Variants in LRCH3 observed in about 807,000 individuals in gnomAD.
LRCH3 encodes DISP complex protein LRCH3.
In LRCH3, 68 loss-of-function variants were observed where a neutral mutation model predicts 104.5. That is an observed-to-expected ratio of 0.65 (90% CI 0.54 to 0.80). LRCH3 has a LOEUF of 0.80. LRCH3 is among the 30% of genes least tolerant of loss of function. The probability of loss-of-function intolerance (pLI) is 0.00; values close to 1 mark genes in which losing one functional copy is unlikely to be tolerated. For missense variants in LRCH3, 951 were observed against 953.9 expected (o/e 1.00, Z 0.04); for synonymous variants, 344 against 361.3 (o/e 0.95, Z 0.54).
chr3:197,841,438 G>A (rs776200423), intron 10 of LRCH3, among the ~76,000 whole-genome samples: 1 of 152,042 alleles, frequency 6.6e-6, no homozygotes, highest in Non-Finnish European at 1.5e-5. Context: ...GCCACATCTC[G>A]CAAATTCTTT....
chr3:197,878,586 C>T (rs1359162046), intron 20 of LRCH3, among the ~76,000 whole-genome samples: 1 of 152,180 alleles, frequency 6.6e-6, no homozygotes, highest in Non-Finnish European at 1.5e-5. Flanking sequence ...CCCCTTCCTT[C>T]TCCCCTTCCA....
Position 197,883,073 on chromosome 3 carries a change from C to A in LRCH3, c.2209-468C>A. ...GCAGATAGCGTAGAACTCATGCAGG[C>A]TGAGTTATGTTTTCAAACTATCTTT... On this transcript the variant is annotated intron_variant, in intron 20 of 20. Coordinates refer to ENST00000425562, the MANE Select transcript of LRCH3 (RefSeq NM_001365715.1). The surrounding 1 kb of genome is among the most constrained non-coding windows in gnomAD (Gnocchi z 4.2). The A allele has an allele frequency of 1.0e-6, 1 of 985,932 alleles. No homozygotes were observed. Among genetic ancestry groups the A allele is most frequent in the African/African-American group, 1.7e-5 (1 of 57,354 alleles). The allele number at this position is 985,932 out of a possible 1,614,324, so 61.1% of individuals were successfully genotyped here.
intron 20 of LRCH3, chr3:197,880,681 G>C (rs1186417415): frequency 1.3e-6 from 2 of 1,536,754 alleles, no homozygotes; most frequent in African/African-American, 1.4e-5. Context: ...TTAACTCTCT[G>C]TGTGCTTTAT....
chr3:197,839,009 C>T (rs1265275675), intron 9 of LRCH3, among the ~76,000 whole-genome samples: 1 of 152,148 alleles, frequency 6.6e-6, no homozygotes, highest in Non-Finnish European at 1.5e-5. Flanking sequence ...TCTTCGGTTC[C>T]TTTCTAATTC....
chr3:197,827,869 G>C (rs1044045835), intron 5 of LRCH3, among the ~76,000 whole-genome samples: 2 of 151,956 alleles, frequency 1.3e-5, no homozygotes, highest in Non-Finnish European at 2.9e-5. Context: ...ATGAGGTCAG[G>C]AGATCGAGAT....
chr3:197,881,195 C>G (rs988735280), intron 20 of LRCH3: 1 of 1,004,972 alleles, frequency 1.0e-6, no homozygotes, highest in Non-Finnish European at 1.2e-6. Context: ...TGGCCGCACC[C>G]GGTTACTTAG....
chr3:197,874,967 G>T (rs1712697943), intron 19 of LRCH3, among the ~76,000 whole-genome samples: 1 of 151,076 alleles, frequency 6.6e-6, no homozygotes, highest in Admixed American at 6.6e-5. Flanking sequence ...TTGTTGCCCA[G>T]GCAGGAGTGC....
At chr3:197,811,956 G>A (rs1733171304) in intron 1 of LRCH3, among the ~76,000 whole-genome samples, 1 of 152,212 alleles carries the variant, frequency 6.6e-6, no homozygotes, top group Admixed American at 6.5e-5. Flanking sequence ...TAAGGTACAT[G>A]TCACTAAGAA....
At chr3:197,861,075 C>T (rs933218327) in intron 15 of LRCH3, among the ~76,000 whole-genome samples, 2 of 151,304 alleles carry the variant, frequency 1.3e-5, no homozygotes, top group East Asian at 1.9e-4. Flanking sequence ...GGGTTTAAAG[C>T]GATTCTCATG....
At chr3:197,838,391 G>A (rs1435008553) in intron 9 of LRCH3, among the ~76,000 whole-genome samples, 4 of 152,228 alleles carry the variant, frequency 2.6e-5, no homozygotes, top group African/African-American at 9.6e-5. Flanking sequence ...GCCCTTTGAA[G>A]TAACTCACCA....
intron 20 of LRCH3, chr3:197,881,383 A>G: frequency 3.0e-6 from 3 of 986,960 alleles, no homozygotes; most frequent in Non-Finnish European, 3.6e-6. Flanking sequence ...TGCTCTTCTG[A>G]GCCCAGTCTA....
chr3:197,807,263 C>G (rs949620791), intron 1 of LRCH3, among the ~76,000 whole-genome samples: 4 of 149,848 alleles, frequency 2.7e-5, no homozygotes, highest in African/African-American at 9.9e-5. Flanking sequence ...GTCGCCCAGG[C>G]TGGAGTGCAG....
At chr3:197,844,370 G>A (rs556621617) in intron 10 of LRCH3, among the ~76,000 whole-genome samples, 11 of 152,222 alleles carry the variant, frequency 7.2e-5, no homozygotes, top group African/African-American at 2.6e-4. Flanking sequence ...AAAGAGGGTG[G>A]TGTCCTAGAG....
In LRCH3 at chr3:197,839,241, G is replaced by A. The variant is rs924994439; in HGVS notation, c.1252-80G>A. 2.1e-5 allele frequency: 18 copies of A among 872,680 alleles called. No homozygotes were observed. In the African/African-American group the frequency reaches 3.3e-4, roughly 16 times the overall value. The allele number at this position is 872,680 out of a possible 1,614,324, so 54.1% of individuals were successfully genotyped here. ...TTTTAGTGTAATATATAAATTAAAT[G>A]ACAAATTGGATGTGAACTGTGTAAT... On this transcript the variant is annotated intron_variant, in intron 9 of 20. Coordinates refer to ENST00000425562, the MANE Select transcript of LRCH3 (RefSeq NM_001365715.1).
chr3:197,813,681 C>T lies in LRCH3; in HGVS notation c.263-1227C>T, dbSNP rs188297002. 2.0e-4 allele frequency among the ~76,000 whole-genome samples: 30 copies of T among 151,848 alleles called. No homozygotes were observed. In the East Asian group the frequency reaches 5.8e-3, roughly 29 times the overall value. On this transcript the variant is annotated intron_variant, in intron 1 of 20. Coordinates refer to ENST00000425562, the MANE Select transcript of LRCH3 (RefSeq NM_001365715.1). ...GAGTAGCTGGGATTACAGGTGTGTG[C>T]CACCATGCCCGGCTAACTTTTGTAT...
At chr3:197,858,590 T>G (rs1740540647) in intron 14 of LRCH3, among the ~76,000 whole-genome samples, 1 of 152,132 alleles carries the variant, frequency 6.6e-6, no homozygotes, top group Non-Finnish European at 1.5e-5. Context: ...ATCATGCCTC[T>G]CATTTCTTGA....
At position 197,873,885 on chromosome 3, in the gene LRCH3, G is replaced by A. The variant is rs568691419; in HGVS notation, c.2131-1813G>A. ...AAAATACAAAAATTAGCTGTGCATG[G>A]TGGTGCACACCTGTAGTCCCAGCTA... On this transcript the variant is annotated intron_variant, in intron 19 of 20. Transcript: ENST00000425562. Among the ~76,000 whole-genome samples, 4 of 152,114 alleles carry A rather than the reference G, an allele frequency of 2.6e-5. No homozygotes were observed. The South Asian group carries it at 8.3e-4, about 32-fold the overall frequency.
chr3:197,866,006 T>G (rs1741439087), intron 16 of LRCH3, 106 bp from the exon 17 acceptor site: 3 of 801,600 alleles, frequency 3.7e-6, no homozygotes, highest in Non-Finnish European at 6.2e-6. Flanking sequence ...AGAATTATTT[T>G]ATATCATTGC....
rs535018283 is a variant in LRCH3, at chr3:197,870,378, T to A, written c.1992+100T>A. On this transcript the variant is annotated intron_variant, in intron 18 of 20. Coordinates refer to ENST00000425562, the MANE Select transcript of LRCH3 (RefSeq NM_001365715.1). ...TTTGACACATCATTTTTATTTATTT[T>A]TTTTTTAGACGGAGTCTCACTCTGT... 118 of 1,221,322 alleles carry A rather than the reference T, an allele frequency of 9.7e-5. 1 individual carries two copies. In the Middle Eastern group the frequency reaches 1.0e-3, roughly 10 times the overall value. The allele number at this position is 1,221,322 out of a possible 1,614,324, so 75.7% of individuals were successfully genotyped here. A position where few individuals can be genotyped will look rare whatever the true frequency, so the allele number is the denominator to read the frequency against.
Sources: gnomAD v4.1 joint callset for allele counts (sites outside exome capture counted in the v4.1 genomes callset) on GRCh38, gnomAD v4.1.1 for gene constraint, Gnocchi (gnomAD v3.1) non-coding constraint, MANE v1.5 for transcripts, NCBI Gene and HGNC (gene_info 2026-07-23, HGNC 2026-07-21) for gene names.